The following CTBP2 variants were observed in gnomAD, a reference collection of about 807,000 sequenced individuals.
CTBP2 encodes C-terminal binding protein 2, also known as C-terminal-binding protein 2.
In CTBP2, 30 loss-of-function variants were observed where a neutral mutation model predicts 80.3. The observed-to-expected ratio is 0.37, with a 90% CI of 0.28 to 0.51. The LOEUF is 0.51. CTBP2 is among the 20% of genes least tolerant of loss of function. The pLI is 0.93. For synonymous variants in CTBP2, 594 were observed against 587.4 expected (o/e 1.01, Z -0.16); for missense variants, 1,212 against 1,375.3 (o/e 0.88, Z 1.88).
intron 1 of CTBP2, among the ~76,000 whole-genome samples, chr10:125,150,985 G>A (rs1188777015): frequency 6.6e-6 from 1 of 151,370 alleles, no homozygotes; most frequent in Non-Finnish European, 1.5e-5. Context: ...CGCTGTCCTC[G>A]CAGAGGCACA....
At position 125,059,963 on chromosome 10, in the gene CTBP2, C is replaced by T. The variant is rs75998794; in HGVS notation, c.-101-20808G>A. 3.5e-3 allele frequency among the ~76,000 whole-genome samples: 530 copies of T among 152,320 alleles called. 3 individuals carry two copies. The highest frequency in any genetic ancestry group is 0.012 in the African/African-American group (508 of 41,552). The stretch of plus-strand genomic sequence containing the variant: ...GAAAAGGCTCACCTGCAGGACCTCG[C>T]GGGTTAGCCACGAGTCTGACACACC... On this transcript the variant is annotated intron_variant, in intron 2 of 10. Transcript: ENST00000337195.
At chr10:125,054,979 C>T (rs190877419) in intron 2 of CTBP2, among the ~76,000 whole-genome samples, 18 of 152,276 alleles carry the variant, frequency 1.2e-4, no homozygotes, top group South Asian at 4.2e-4. Context: ...TCCAGGGCTA[C>T]GCTCAACATG....
chr10:124,990,954 T>A (rs1952526663), intron 8 of CTBP2, among the ~76,000 whole-genome samples: 1 of 152,244 alleles, frequency 6.6e-6, no homozygotes, highest in South Asian at 2.1e-4. Context: ...CCACCCAGTC[T>A]ATGCTACTCA....
At chr10:125,021,769 A>G (rs1309488786) in intron 1 of CTBP2, among the ~76,000 whole-genome samples, 1 of 152,222 alleles carries the variant, frequency 6.6e-6, no homozygotes. Flanking sequence ...ACACCGGGCC[A>G]TGAAACCCAA....
At position 125,026,598 on chromosome 10, in the gene CTBP2, C is replaced by T. The variant is rs762018636; in HGVS notation, c.1162G>A (p.Ala388Thr). The T allele has an allele frequency of 2.1e-5, 28 of 1,303,274 alleles. No individual in the cohort carries two copies. In the East Asian group the frequency reaches 2.3e-4, roughly 11 times the overall value. 80.7% of individuals were successfully genotyped at this position (1,303,274 alleles called of 1,614,324 possible). Residue 388 changes from alanine (A) to threonine (T), a missense_variant, in exon 1 of 9, where the codon GCT (alanine) becomes ACT (threonine). Around this residue, in one of 3 missense-constraint regions of CTBP2, gnomAD observed 848 missense variants for 782.3 expected, o/e 1.08. Transcript: ENST00000309035. ...GATGCTGTCTGCAGAGGAGCCGCAG[C>T]GCCCAGAGAAGCCAAGTCACCATGG...
chr10:125,024,345 T>C (rs915622893), intron 1 of CTBP2, among the ~76,000 whole-genome samples: 2 of 152,254 alleles, frequency 1.3e-5, no homozygotes, highest in African/African-American at 2.4e-5. Flanking sequence ...GGCTGGCTTC[T>C]GCCTGCAGAC....
At chr10:125,093,256 G>T (rs1849054233) in intron 2 of CTBP2, among the ~76,000 whole-genome samples, 1 of 152,178 alleles carries the variant, frequency 6.6e-6, no homozygotes, top group South Asian at 2.1e-4. Flanking sequence ...TCTGAGGGTG[G>T]GGACATCCAC....
intron 3 of CTBP2, among the ~76,000 whole-genome samples, chr10:125,001,820 G>A (rs576482356): frequency 3.9e-5 from 6 of 152,314 alleles, no homozygotes; most frequent in African/African-American, 9.6e-5. Flanking sequence ...TGGCCGTGAA[G>A]GATTCAACTA....
chr10:124,993,772 A>G (rs1953048585), intron 6 of CTBP2, 83 bp downstream of exon 8: 7 of 1,503,150 alleles, frequency 4.7e-6, no homozygotes, highest in Non-Finnish European at 6.3e-6. Context: ...TGTTTGGGAA[A>G]AGGGCCTCGA....
At position 125,027,853 on chromosome 10, in the gene CTBP2, AC is replaced by A; in HGVS notation, c.-95del. On this transcript the variant is annotated 5_prime_UTR_variant, in exon 1 of 9. Transcript: ENST00000309035. The stretch of plus-strand genomic sequence containing the variant: ...CAAAAACAGACCTGGCTGTGTGCTA[AC>A]CCTTCCGAGACGGCAGGGACAACCA... 1 of 1,433,058 alleles carries A rather than the reference AC, an allele frequency of 7.0e-7. No individual in the cohort carries two copies. Among genetic ancestry groups the A allele is most frequent in the Admixed American group, 2.8e-5 (1 of 35,358 alleles). 88.8% of individuals were successfully genotyped at this position (1,433,058 alleles called of 1,614,324 possible). A position where few individuals can be genotyped will look rare whatever the true frequency, so the allele number is the denominator to read the frequency against.
intron 2 of CTBP2, among the ~76,000 whole-genome samples, chr10:125,053,765 A>C (rs1963309782): frequency 6.6e-6 from 1 of 152,050 alleles, no homozygotes; most frequent in African/African-American, 2.4e-5. Context: ...GAGTGGGAAG[A>C]CAGGAAGGGA....
intron 1 of CTBP2, among the ~76,000 whole-genome samples, chr10:125,149,012 C>T (rs1859325426): frequency 6.6e-6 from 1 of 152,204 alleles, no homozygotes; most frequent in Non-Finnish European, 1.5e-5. Context: ...AACTGGCTCG[C>T]TGGCCTCAGA....
At chr10:125,109,343 C>T (rs1424986586) in intron 2 of CTBP2, among the ~76,000 whole-genome samples, 1 of 152,196 alleles carries the variant, frequency 6.6e-6, no homozygotes, top group African/African-American at 2.4e-5. Context: ...GGAAACATCA[C>T]CATGACCCAA....
intron 1 of CTBP2, among the ~76,000 whole-genome samples, chr10:125,147,781 C>CA (rs1368091181): frequency 1.3e-5 from 2 of 152,082 alleles, no homozygotes; most frequent in Admixed American, 6.5e-5. Context: ...CCTGTAGTCC[C>CA]ACCTACTTGG....
At chr10:124,994,729 C>A in intron 4 of CTBP2, 46 bp from the exon 7 acceptor site, 1 of 1,585,228 alleles carries the variant, frequency 6.3e-7, no homozygotes, top group Non-Finnish European at 8.7e-7. Context: ...ACAGCCCGCG[C>A]CCCAGCGCTG....
intron 2 of CTBP2, among the ~76,000 whole-genome samples, chr10:125,081,169 T>A (rs1847118533): frequency 6.6e-6 from 1 of 152,148 alleles, no homozygotes; most frequent in African/African-American, 2.4e-5. Context: ...CAAACTGAAC[T>A]GAGGGCCATT....
chr10:125,078,615 C>T (rs75574618), intron 2 of CTBP2, among the ~76,000 whole-genome samples: 13,219 of 151,608 alleles, frequency 0.087, 603 homozygotes, highest in Middle Eastern at 0.16. Context: ...TTTGAGTTGA[C>T]ACGAGGTCAC....
intron 1 of CTBP2, among the ~76,000 whole-genome samples, chr10:125,120,262 GGATGAGCAGGAA>G (rs1209599206): frequency 1.4e-4 from 21 of 152,320 alleles, no homozygotes; most frequent in Middle Eastern, 6.8e-3. Context: ...GACTCCAGCA[GGATGAGCAGGAA>G]GATGAGCAGG....
Position 125,027,836 on chromosome 10 carries a change from G to C in CTBP2, c.-77C>G, listed in dbSNP as rs1430133976. ...TCTTCAATTACATACATCAAAAACA[G>C]ACCTGGCTGTGTGCTAACCCTTCCG... On this transcript the variant is annotated 5_prime_UTR_variant, in exon 1 of 9. Coordinates refer to ENST00000309035, the MANE Select transcript of CTBP2 (RefSeq NM_022802.3). 1.4e-6 allele frequency: 2 copies of C among 1,444,620 alleles called. No homozygotes were observed. Among genetic ancestry groups the C allele is most frequent in the East Asian group, 2.5e-5 (1 of 40,064 alleles). 89.5% of individuals were successfully genotyped at this position (1,444,620 alleles called of 1,614,324 possible).
Sources: gnomAD v4.1 joint callset for allele counts (sites outside exome capture counted in the v4.1 genomes callset) on GRCh38, gnomAD v4.1.1 for gene constraint, gnomAD v4.1.1 regional missense constraint, MANE v1.5 for transcripts, NCBI Gene and HGNC (gene_info 2026-07-23, HGNC 2026-07-21) for gene names.